Variants in PMM2 observed in about 807,000 individuals in gnomAD.
PMM2 encodes phosphomannomutase 2.
A neutral mutation model predicts 33.2 loss-of-function variants in PMM2; 35 were observed. The observed-to-expected ratio is 1.06, with a 90% confidence interval of 0.81 to 1.40. PMM2 has a LOEUF of 1.40. Among genes scored for constraint, PMM2 ranks in the 40% most tolerant of loss-of-function variants. The pLI is 0.00. For synonymous variants in PMM2, 153 were observed against 114.7 expected, an observed-to-expected ratio of 1.33 and a Z score of -2.13; for missense variants, 386 against 306.0, an observed-to-expected ratio of 1.26 and a Z score of -1.95.
chr16:8,813,000 T>G lies in PMM2; in HGVS notation c.533T>G (p.Ile178Ser). Residue 178 changes from isoleucine to serine, a missense_variant, in exon 7 of 8, where the codon ATC (isoleucine) becomes AGC (serine). Transcript: ENST00000268261. ...CGTCCCCACCCGGCAGGAGGCCAGA[T>G]CAGCTTTGATGTCTTTCCTGATGGA... is the stretch of plus-strand genomic sequence containing the variant. Reference protein sequence around the residue: ...KGLTFSIGGQISFDVFPDGWD... With the variant: ...KGLTFSIGGQSSFDVFPDGWD... The G allele has an allele frequency of 6.2e-7, 1 of 1,608,122 alleles. No individual in the cohort carries two copies. The highest frequency in any genetic ancestry group is 8.5e-7 in the Non-Finnish European group (1 of 1,174,446).
intron 7 of PMM2, among the ~76,000 whole-genome samples, chr16:8,820,389 T>C (rs1465961004): frequency 4.8e-5 from 7 of 146,168 alleles, no homozygotes; most frequent in East Asian, 2.0e-4. Context: ...GGTCTCACTC[T>C]GTCACCCAGA....
intron 7 of PMM2, chr16:8,832,208 A>G: frequency 1.0e-6 from 1 of 985,418 alleles, no homozygotes; most frequent in African/African-American, 1.7e-5. Flanking sequence ...CAAAGAAAGA[A>G]GCAGACCCTT....
At chr16:8,825,219 G>T (rs1318887235) in intron 7 of PMM2, among the ~76,000 whole-genome samples, 1 of 151,998 alleles carries the variant, frequency 6.6e-6, no homozygotes, top group Non-Finnish European at 1.5e-5. Flanking sequence ...TTTTAGTAGA[G>T]ACGGGGTTTC....
intron 4 of PMM2, chr16:8,809,423 G>T (rs780901494): frequency 3.3e-5 from 5 of 152,074 alleles, no homozygotes; most frequent in Non-Finnish European, 5.9e-5. Context: ...AAACTGGGTG[G>T]TTTTCTTTTT....
intron 2 of PMM2, 105 bp from the exon 3 acceptor site, chr16:8,804,662 C>T: frequency 1.3e-6 from 1 of 782,172 alleles, no homozygotes; most frequent in Non-Finnish European, 2.3e-6. Flanking sequence ...TTTCACAGTC[C>T]TTGCTGGAGT....
intron 7 of PMM2, among the ~76,000 whole-genome samples, chr16:8,839,671 C>T (rs1233508851): frequency 6.6e-6 from 1 of 151,736 alleles, no homozygotes; most frequent in African/African-American, 2.4e-5. Context: ...GTATTGATAG[C>T]GGGCTTGTCT....
chr16:8,843,804 C>T (rs1337494222), intron 7 of PMM2, among the ~76,000 whole-genome samples: 1 of 152,108 alleles, frequency 6.6e-6, no homozygotes. Flanking sequence ...GAGAATAAGA[C>T]GGCCTTTTGA....
chr16:8,811,513 C>G (rs2060677520), intron 5 of PMM2, 125 bp from the exon 6 acceptor site: 5 of 727,774 alleles, frequency 6.9e-6, no homozygotes, highest in South Asian at 1.5e-5. Context: ...GAGCAAGACC[C>G]CCATCTCAAA....
At chr16:8,845,464 G>A (rs1383379625) in intron 7 of PMM2, among the ~76,000 whole-genome samples, 1 of 152,162 alleles carries the variant, frequency 6.6e-6, no homozygotes, top group Admixed American at 6.5e-5. Context: ...GACAGTAGGT[G>A]TTCTAGAAAG....
intron 1 of PMM2, among the ~76,000 whole-genome samples, chr16:8,799,365 A>G (rs2060597957): frequency 6.6e-6 from 1 of 152,172 alleles, no homozygotes; most frequent in Non-Finnish European, 1.5e-5. Flanking sequence ...ACATAAGGAA[A>G]CACACTCAGT....
At chr16:8,842,560 G>C (rs1233430048) in intron 7 of PMM2, among the ~76,000 whole-genome samples, 1 of 152,190 alleles carries the variant, frequency 6.6e-6, no homozygotes, top group Non-Finnish European at 1.5e-5. Context: ...GGGGAACGCT[G>C]AAAGAAGCAT....
At chr16:8,816,282 A>G (rs957046417) in intron 7 of PMM2, among the ~76,000 whole-genome samples, 12 of 151,798 alleles carry the variant, frequency 7.9e-5, no homozygotes, top group African/African-American at 2.9e-4. Flanking sequence ...GCCCGCCACC[A>G]TGCCCAGCTA....
intron 7 of PMM2, among the ~76,000 whole-genome samples, chr16:8,813,632 A>G (rs937957855): frequency 1.3e-5 from 2 of 152,228 alleles, no homozygotes; most frequent in East Asian, 3.9e-4. Context: ...CCCCCAAGGG[A>G]TGTCAGAAAT....
chr16:8,804,022 G>GTTTTTTTTTTT (rs770345977), intron 2 of PMM2, among the ~76,000 whole-genome samples: 2 of 25,984 alleles, frequency 7.7e-5, no homozygotes, highest in Non-Finnish European at 1.8e-4. Flanking sequence ...TGTTTTTTGG[G>GTTTTTTTTTTT]TTTTTTTTGT....
chr16:8,823,717 T>G (rs1010642797), intron 7 of PMM2, among the ~76,000 whole-genome samples: 6 of 151,086 alleles, frequency 4.0e-5, no homozygotes, highest in Admixed American at 6.6e-5. Context: ...CCTGTATGAG[T>G]TGGGTGAAAT....
intron 3 of PMM2, among the ~76,000 whole-genome samples, chr16:8,805,513 C>T (rs937304793): frequency 6.6e-6 from 1 of 152,166 alleles, no homozygotes; most frequent in African/African-American, 2.4e-5. Context: ...GCACATGCCA[C>T]CAAGCCTGGC....
intron 7 of PMM2, among the ~76,000 whole-genome samples, chr16:8,846,938 A>G (rs1002014436): frequency 6.6e-6 from 1 of 152,068 alleles, no homozygotes; most frequent in African/African-American, 2.4e-5. Context: ...ATCTCGGCTT[A>G]CTGCAACTTC....
intron 7 of PMM2, among the ~76,000 whole-genome samples, chr16:8,836,001 A>T (rs61190061): frequency 0.032 from 3,214 of 99,208 alleles, 124 homozygotes; most frequent in African/African-American, 0.11. Flanking sequence ...TAATAAGGGA[A>T]CTGGGCAGGT....
At chr16:8,847,157 C>G (rs980311758) in intron 7 of PMM2, among the ~76,000 whole-genome samples, 11 of 152,192 alleles carry the variant, frequency 7.2e-5, no homozygotes, top group Non-Finnish European at 1.3e-4. Context: ...AGCCACCATG[C>G]CCGGCCCACG....
Sources: allele counts gnomAD v4.1 joint callset (sites outside exome capture counted in the v4.1 genomes callset), GRCh38; gene constraint gnomAD v4.1.1; transcripts MANE v1.5; gene names NCBI Gene and HGNC (gene_info 2026-07-23, HGNC 2026-07-21).